The following GPC5 variants were observed in gnomAD, a reference collection of about 807,000 sequenced individuals.
The protein encoded by GPC5 is glypican 5.
GPC5 carries 47 observed loss-of-function variants against 53.9 expected under a neutral mutation model. The ratio of observed to expected loss-of-function variants is 0.87; its 90% CI spans 0.69 to 1.11. GPC5 has a LOEUF of 1.11. Ranked by LOEUF, GPC5 falls within the 50% of genes most tolerant of loss-of-function variation. The probability of loss-of-function intolerance (pLI) is 0.00; values close to 1 mark genes in which losing one functional copy is unlikely to be tolerated. For missense variants in GPC5, 748 were observed against 713.1 expected (o/e 1.05, Z -0.56); for synonymous variants, 286 against 263.3 (o/e 1.09, Z -0.84).
At chr13:92,746,381 G>A (rs1323493591) in intron 7 of GPC5, among the ~76,000 whole-genome samples, 1 of 152,116 alleles carries the variant, frequency 6.6e-6, no homozygotes, top group Non-Finnish European at 1.5e-5. Context: ...GAAATTTAGA[G>A]AATTAACAAT....
At chr13:92,853,812 G>A (rs1349677281) in intron 7 of GPC5, among the ~76,000 whole-genome samples, 1 of 152,088 alleles carries the variant, frequency 6.6e-6, no homozygotes, top group Non-Finnish European at 1.5e-5. Flanking sequence ...ATTTCTAGAT[G>A]AAAAGGGCCC....
chr13:91,883,877 C>T (rs1194213496), intron 5 of GPC5, among the ~76,000 whole-genome samples: 1 of 151,868 alleles, frequency 6.6e-6, no homozygotes, highest in African/African-American at 2.4e-5. Flanking sequence ...ACGGATTATT[C>T]CATTACCCAC....
intron 6 of GPC5, among the ~76,000 whole-genome samples, chr13:92,130,301 C>G (rs2041732422): frequency 6.6e-6 from 1 of 150,734 alleles, no homozygotes; most frequent in Non-Finnish European, 1.5e-5. Context: ...ATTATCCCAG[C>G]TAGAAGCATG....
chr13:91,721,804 A>T (rs1245641377), intron 3 of GPC5, among the ~76,000 whole-genome samples: 1 of 152,168 alleles, frequency 6.6e-6, no homozygotes. Context: ...TACTTTCCAA[A>T]CAAGTAGAAA....
At position 92,593,093 on chromosome 13, in the gene GPC5, G is replaced by C. The variant is rs997653544; in HGVS notation, c.1562-273189G>C. Among the ~76,000 whole-genome samples the C allele has an allele frequency of 1.1e-4, 16 of 151,246 alleles. 2 individuals are homozygous for C. Among genetic ancestry groups the C allele is most frequent in the Admixed American group, 2.0e-4 (3 of 15,116 alleles). On this transcript the variant is annotated intron_variant, in intron 7 of 7. Coordinates refer to ENST00000377067, the MANE Select transcript of GPC5 (RefSeq NM_004466.6). ...GGATGGGGATGAACTGAGTAGCCAA[G>C]ACACAGCAGATCAGAGAGATTCAGC...
At chr13:92,062,687 A>C (rs752606950) in intron 6 of GPC5, among the ~76,000 whole-genome samples, 29 of 152,142 alleles carry the variant, frequency 1.9e-4, no homozygotes, top group Admixed American at 2.6e-4. Context: ...TTGGGGAATA[A>C]TGTGGACTAT....
At chr13:91,765,906 GTGAGTAATCAT>G (rs1378415296) in intron 5 of GPC5, among the ~76,000 whole-genome samples, 5 of 152,214 alleles carry the variant, frequency 3.3e-5, no homozygotes, top group Non-Finnish European at 7.3e-5. Context: ...AGTTTTCTGA[GTGAGTAATCAT>G]TGAAGCTGTT....
chr13:92,227,516 A>C (rs2042496717), intron 7 of GPC5, among the ~76,000 whole-genome samples: 1 of 152,192 alleles, frequency 6.6e-6, no homozygotes, highest in Non-Finnish European at 1.5e-5. Context: ...CTCCTTTCTT[A>C]AATGTAAACA....
At position 91,693,414 on chromosome 13, in the gene GPC5, G is replaced by A. The variant is rs370136945; in HGVS notation, c.553G>A (p.Asp185Asn). ...CCACCTCATTAACCCTGGTGTGACT[G>A]ACAGTTCCCTGGAATACTCAGAATG... ...YNHLINPGVT[D>N]SSLEYSECIR... Residue 185 changes from aspartate to asparagine, a missense_variant, in exon 3 of 8, where the codon GAC becomes AAC. By Grantham distance (23) the Asp-to-Asn change is conservative. Coordinates refer to ENST00000377067, the MANE Select transcript of GPC5 (RefSeq NM_004466.6). 2.5e-6 allele frequency: 4 copies of A among 1,614,102 alleles called. No homozygotes were observed. The African/African-American group carries it at 5.3e-5, about 22-fold the overall frequency.
intron 7 of GPC5, among the ~76,000 whole-genome samples, chr13:92,859,590 T>C (rs1274412957): frequency 2.0e-5 from 3 of 152,104 alleles, no homozygotes; most frequent in Admixed American, 6.6e-5. Flanking sequence ...GTAATAATTA[T>C]TCCAAATTAC....
At position 92,432,531 on chromosome 13, in the gene GPC5, C is replaced by G. The variant is rs185336185; in HGVS notation, c.1561+287542C>G. Among the ~76,000 whole-genome samples, 798 of 149,306 alleles carry G rather than the reference C, an allele frequency of 5.3e-3. 8 individuals are homozygous for G. The highest frequency in any genetic ancestry group is 0.019 in the African/African-American group (767 of 40,452). Reference sequence around the variant, plus strand: ...TGATCATCACAGGCACCCACCACCACGCCCGGCTATTTTTTTTTTTTTTTA... The same window carrying G: ...TGATCATCACAGGCACCCACCACCAGGCCCGGCTATTTTTTTTTTTTTTTA... On this transcript the variant is annotated intron_variant, in intron 7 of 7. Transcript: ENST00000377067.
intron 7 of GPC5, among the ~76,000 whole-genome samples, chr13:92,676,689 C>G (rs750976824): frequency 6.6e-6 from 1 of 152,090 alleles, no homozygotes; most frequent in Non-Finnish European, 1.5e-5. Context: ...GCCTACCCCA[C>G]GACTATTCAA....
chr13:91,449,427 A>G (rs1281690031), intron 2 of GPC5, among the ~76,000 whole-genome samples: 1 of 152,140 alleles, frequency 6.6e-6, no homozygotes, highest in Non-Finnish European at 1.5e-5. Context: ...TACATGTGCC[A>G]TGGTGGTTTG....
At chr13:92,366,316 G>T (rs1246197036) in intron 7 of GPC5, among the ~76,000 whole-genome samples, 1 of 151,620 alleles carries the variant, frequency 6.6e-6, no homozygotes, top group Non-Finnish European at 1.5e-5. Context: ...TCTAATTCTG[G>T]TCTTGCCCGG....
intron 7 of GPC5, among the ~76,000 whole-genome samples, chr13:92,284,692 C>G (rs1325309114): frequency 6.6e-6 from 1 of 152,140 alleles, no homozygotes; most frequent in Non-Finnish European, 1.5e-5. Context: ...AATTCAACAG[C>G]CCTTCATGCT....
Position 92,631,242 on chromosome 13 carries a change from T to C in GPC5, c.1562-235040T>C, listed in dbSNP as rs936454536. ...TTCAAAGAAAGAAAATTGTCACTTTTGATTTGTGCTAAAAAATAACAGTAG... is the reference window on the plus strand; with the variant it reads ...TTCAAAGAAAGAAAATTGTCACTTTCGATTTGTGCTAAAAAATAACAGTAG... On this transcript the variant is annotated intron_variant, in intron 7 of 7. Transcript: ENST00000377067. Among the ~76,000 whole-genome samples, 8 of 152,276 alleles carry C rather than the reference T, an allele frequency of 5.3e-5. No homozygotes were observed. In the South Asian group the frequency reaches 1.4e-3, roughly 28 times the overall value.
intron 5 of GPC5, among the ~76,000 whole-genome samples, chr13:91,756,950 T>TTA (rs139581229): frequency 0.027 from 4,042 of 149,402 alleles, 96 homozygotes; most frequent in African/African-American, 0.072. Context: ...GGGGGCACTT[T>TTA]TATATATATA....
In GPC5 at chr13:92,560,836, G is replaced by C. The variant is rs1286721147; in HGVS notation, c.1562-305446G>C. On this transcript the variant is annotated intron_variant, in intron 7 of 7. Coordinates refer to ENST00000377067, the MANE Select transcript of GPC5 (RefSeq NM_004466.6). ...CCAGTTCTCCTCAACGAATATAAATGTTAGAGAAATAGAAAATTATATGTG... is the reference window on the plus strand; with the variant it reads ...CCAGTTCTCCTCAACGAATATAAATCTTAGAGAAATAGAAAATTATATGTG... Among the ~76,000 whole-genome samples, 5 of 150,016 alleles carry C rather than the reference G, an allele frequency of 3.3e-5. No individual in the cohort carries two copies. The East Asian group carries it at 1.0e-3, about 30-fold the overall frequency.
intron 7 of GPC5, among the ~76,000 whole-genome samples, chr13:92,672,685 T>C (rs61975944): frequency 0.22 from 33,634 of 152,078 alleles, 4,380 homozygotes; most frequent in South Asian, 0.36. Context: ...ATATACACCA[T>C]GGAATACTAT....
Sources: allele counts gnomAD v4.1 joint callset (sites outside exome capture counted in the v4.1 genomes callset), GRCh38; gene constraint gnomAD v4.1.1; transcripts MANE v1.5; gene names NCBI Gene and HGNC (gene_info 2026-07-23, HGNC 2026-07-21).